Variants in GSDME observed in about 807,000 individuals in gnomAD.
The protein encoded by GSDME is gasdermin E.
GSDME carries 44 observed loss-of-function variants against 47.5 expected under a neutral mutation model. The observed-to-expected ratio is 0.93, with a 90% confidence interval of 0.73 to 1.19. The LOEUF (loss-of-function observed/expected upper bound fraction) is 1.19. GSDME is among the 50% of genes most tolerant of loss of function. GSDME has a pLI of 0.00. For synonymous variants in GSDME, 258 were observed against 252.8 expected, an observed-to-expected ratio of 1.02 and a Z score of -0.20; for missense variants, 663 against 604.2, an observed-to-expected ratio of 1.10 and a Z score of -1.02.
chr7:24,702,228 A>G (rs899326067), intron 9 of GSDME, among the ~76,000 whole-genome samples: 1 of 152,214 alleles, frequency 6.6e-6, no homozygotes, highest in East Asian at 1.9e-4. Context: ...TTGACTCTCT[A>G]GGGCTAAGCT....
rs1789316825 is a variant in GSDME, at chr7:24,710,651, A to G, written c.698-263T>C. 6 of 477,110 alleles carry G rather than the reference A, an allele frequency of 1.3e-5. No individual in the cohort carries two copies. The South Asian group carries it at 1.3e-4, about 10-fold the overall frequency. 29.6% of individuals were successfully genotyped at this position (477,110 alleles called of 1,614,324 possible). The stretch of plus-strand genomic sequence containing the variant: ...ATATTCTCTGAACAGGCTGGACACA[A>G]TCTTTAAAACATTGGAAATATTATT... On this transcript the variant is annotated intron_variant, in intron 5 of 9. Transcript: ENST00000645220.
In GSDME at chr7:24,744,908, G is replaced by C. The variant is rs906995408; in HGVS notation, c.212-154C>G. 1.4e-5 allele frequency among the ~76,000 whole-genome samples: 2 copies of C among 145,688 alleles called. No homozygotes were observed. The highest frequency in any genetic ancestry group is 4.1e-4 in the East Asian group (2 of 4,852). ...GCAGCCATGCTGTGTGTGTGGGCAAGAAAACAGGGCAGCACGTGTGTGTGT... is the reference window on the plus strand; with the variant it reads ...GCAGCCATGCTGTGTGTGTGGGCAACAAAACAGGGCAGCACGTGTGTGTGT... On this transcript the variant is annotated intron_variant, in intron 2 of 9. Transcript: ENST00000645220. The surrounding 1 kb of genome is among the most constrained non-coding windows in gnomAD (Gnocchi z 4.5).
chr7:24,699,568 G>C (rs1255417756), intron 9 of GSDME, among the ~76,000 whole-genome samples: 1 of 152,152 alleles, frequency 6.6e-6, no homozygotes, highest in East Asian at 1.9e-4. Flanking sequence ...TCAAATTCCT[G>C]ACCTCAGGTG....
the GSDME span, among the ~76,000 whole-genome samples, chr7:24,766,656 G>C: frequency 1.3e-5 from 2 of 152,134 alleles, no homozygotes; most frequent in African/African-American, 4.8e-5. The surrounding 1 kb of genome is among the most constrained non-coding windows in gnomAD (Gnocchi z 4.2). Flanking sequence ...TGGCTACATA[G>C]TATTCCATGG....
chr7:24,749,376 C>T (rs1275036961), intron 2 of GSDME, among the ~76,000 whole-genome samples, 188 bp downstream of exon 2: 2 of 151,856 alleles, frequency 1.3e-5, no homozygotes, highest in Non-Finnish European at 2.9e-5. Flanking sequence ...GTGGTGGGTG[C>T]CTGTAATCCC....
chr7:24,730,751 G>A (rs950911070), intron 3 of GSDME, among the ~76,000 whole-genome samples: 6 of 152,176 alleles, frequency 3.9e-5, no homozygotes, highest in Non-Finnish European at 4.4e-5. Flanking sequence ...GGAAGCGGAG[G>A]TTGCAGTGAG....
At chr7:24,740,395 A>C (rs1283911693) in intron 3 of GSDME, among the ~76,000 whole-genome samples, 4 of 152,068 alleles carry the variant, frequency 2.6e-5, no homozygotes, top group African/African-American at 9.7e-5. Flanking sequence ...ATACCTAAAG[A>C]ATGAATAAAA....
chr7:24,738,923 T>C (rs886972002), intron 3 of GSDME, among the ~76,000 whole-genome samples: 1 of 152,176 alleles, frequency 6.6e-6, no homozygotes, highest in Non-Finnish European at 1.5e-5. Flanking sequence ...GAAAACTGTA[T>C]ATCCCTATGC....
Position 24,735,799 on chromosome 7 carries a change from A to G in GSDME, c.404+8763T>C, listed in dbSNP as rs1402576064. On this transcript the variant is annotated intron_variant, in intron 3 of 9. Coordinates refer to ENST00000645220, the MANE Select transcript of GSDME (RefSeq NM_001127453.2). This position sits in a 1 kb window ranked among gnomAD's most constrained non-coding sequence, Gnocchi z 4.4. ...AATAAATAAATAAATAAATAAATAAATAAATAAAACTACAAAAACTTTTCA... is the reference window on the plus strand; with the variant it reads ...AATAAATAAATAAATAAATAAATAAGTAAATAAAACTACAAAAACTTTTCA... Among the ~76,000 whole-genome samples the G allele has an allele frequency of 6.6e-6, 1 of 151,092 alleles. No homozygotes were observed. The highest frequency in any genetic ancestry group is 1.5e-5 in the Non-Finnish European group (1 of 67,744).
the GSDME span, among the ~76,000 whole-genome samples, chr7:24,779,149 T>C: frequency 1.3e-5 from 2 of 152,132 alleles, no homozygotes; most frequent in Non-Finnish European, 2.9e-5. This position sits in a 1 kb window ranked among gnomAD's most constrained non-coding sequence, Gnocchi z 6.0. Context: ...CTAAAATAAC[T>C]GAAAGGCAGA....
rs1259127816 is a variant in GSDME, at chr7:24,732,847, G to T, written c.404+11715C>A. On this transcript the variant is annotated intron_variant, in intron 3 of 9. Coordinates refer to ENST00000645220, the MANE Select transcript of GSDME (RefSeq NM_001127453.2). The surrounding 1 kb of genome is among the most constrained non-coding windows in gnomAD (Gnocchi z 4.8). ...ACTAGAAAGGCAGTCTAGGCCACAA[G>T]GACTGCAGCTCCTAGGCAAGTCCTA... is the stretch of plus-strand genomic sequence containing the variant. 6.6e-6 allele frequency among the ~76,000 whole-genome samples: 1 copy of T among 152,176 alleles called. No individual in the cohort carries two copies. Among genetic ancestry groups the T allele is most frequent in the Non-Finnish European group, 1.5e-5 (1 of 68,028 alleles).
chr7:24,792,208 A>G, the GSDME span, among the ~76,000 whole-genome samples: 1 of 152,220 alleles, frequency 6.6e-6, no homozygotes, highest in Non-Finnish European at 1.5e-5. Context: ...AGTTTGTTTT[A>G]AGCCTTTAAC....
At position 24,714,641 on chromosome 7, in the gene GSDME, T is replaced by C. The variant is rs147003655; in HGVS notation, c.697+2613A>G. ...GTTTATTTTCAAAGACAGTGGAAGC[T>C]GGAAAAGATAAAAGCCTTGAAATTG... On this transcript the variant is annotated intron_variant, in intron 5 of 9. Transcript: ENST00000645220. The surrounding 1 kb of genome is among the most constrained non-coding windows in gnomAD (Gnocchi z 5.0). 4.1e-3 allele frequency among the ~76,000 whole-genome samples: 631 copies of C among 152,208 alleles called. 4 individuals are homozygous for C. Among genetic ancestry groups the C allele is most frequent in the African/African-American group, 0.014 (586 of 41,528 alleles).
chr7:24,767,477 C>T, the GSDME span, among the ~76,000 whole-genome samples: 7 of 128,478 alleles, frequency 5.4e-5, no homozygotes, highest in African/African-American at 1.3e-4. The surrounding 1 kb of genome is among the most constrained non-coding windows in gnomAD (Gnocchi z 5.3). Flanking sequence ...CTCCCTCCCC[C>T]GCCATCACTG....
At position 24,749,595 on chromosome 7, in the gene GSDME, A is replaced by C. The variant is rs767755008; in HGVS notation, c.180T>G (p.Asp60Glu). ...TCGGAAATTGGTCTTCTATGAGTAC[A>C]TCGCCAAGGGTGAGGGATAAAAACT... ...KYQFLSLTLG[D>E]VLIEDQFPSP... The change falls in exon 2 of 10, where the codon GAT (aspartate) becomes GAG (glutamate). Residue 60 changes from aspartate (D) to glutamate (E), a missense_variant. Physicochemically the swap from Asp to Glu is conservative, Grantham distance 45 (BLOSUM62 2). Transcript: ENST00000645220. 70 of 1,613,874 alleles carry C rather than the reference A, an allele frequency of 4.3e-5. No homozygotes were observed. Among genetic ancestry groups the C allele is most frequent in the Non-Finnish European group, 5.2e-5 (61 of 1,180,018 alleles).
chr7:24,702,181 T>A (rs1788896281), intron 9 of GSDME, among the ~76,000 whole-genome samples: 1 of 152,260 alleles, frequency 6.6e-6, no homozygotes, highest in Non-Finnish European at 1.5e-5. Context: ...TTTCTACTAA[T>A]GGCTCAATCT....
chr7:24,720,729 A>G (rs2128054348), intron 3 of GSDME, among the ~76,000 whole-genome samples: 1 of 152,312 alleles, frequency 6.6e-6, no homozygotes, highest in South Asian at 2.1e-4. Flanking sequence ...CAGCCTGACC[A>G]ACATGGAGAA....
In GSDME at chr7:24,724,212, G is replaced by C. The variant is rs559865676; in HGVS notation, c.405-4994C>G. ...AAGTATTTTAAAAAAAGGCCTTCTG[G>C]ACAGACTGTAAGCTCCTGGAGGACA... On this transcript the variant is annotated intron_variant, in intron 3 of 9. Transcript: ENST00000645220. This position sits in a 1 kb window ranked among gnomAD's most constrained non-coding sequence, Gnocchi z 4.8. Among the ~76,000 whole-genome samples the C allele has an allele frequency of 5.3e-5, 8 of 151,846 alleles. No individual in the cohort carries two copies. The highest frequency in any genetic ancestry group is 1.0e-4 in the Non-Finnish European group (7 of 68,008).
At chr7:24,706,105 G>A (rs1332818449) in intron 8 of GSDME, 79 bp downstream of exon 8, 68 of 1,533,880 alleles carry the variant, frequency 4.4e-5, no homozygotes, top group Non-Finnish European at 5.9e-5. Context: ...TACCACCTCT[G>A]TGTCCCCAGA....
Sources: gnomAD v4.1 joint callset for allele counts (sites outside exome capture counted in the v4.1 genomes callset) on GRCh38, gnomAD v4.1.1 for gene constraint, Gnocchi (gnomAD v3.1) non-coding constraint, MANE v1.5 for transcripts, NCBI Gene and HGNC (gene_info 2026-07-23, HGNC 2026-07-21) for gene names.